The following TNNI3K variants were observed in gnomAD, a reference collection of about 807,000 sequenced individuals.
TNNI3K encodes serine/threonine-protein kinase TNNI3K.
A neutral mutation model predicts 114.5 loss-of-function variants in TNNI3K; 140 were observed. That is an observed-to-expected ratio of 1.22 (90% CI 1.07 to 1.41). The LOEUF (loss-of-function observed/expected upper bound fraction) is 1.41, where lower values mean the gene tolerates loss of function less well. Ranked by LOEUF, TNNI3K falls within the 40% of genes most tolerant of loss-of-function variation. The probability of loss-of-function intolerance (pLI) is 0.00; values close to 1 mark genes in which losing one functional copy is unlikely to be tolerated. For missense variants in TNNI3K, 1,125 were observed against 1,007.6 expected (o/e 1.12, Z -1.58); for synonymous variants, 347 against 347.5 (o/e 1.00, Z 0.02).
chr1:74,301,965 G>A (rs1041406655), intron 5 of TNNI3K, among the ~76,000 whole-genome samples: 2 of 152,192 alleles, frequency 1.3e-5, no homozygotes, highest in Middle Eastern at 3.2e-3. Flanking sequence ...TGCAAGAAAT[G>A]AACTTCCATA....
intron 4 of TNNI3K, among the ~76,000 whole-genome samples, chr1:74,252,959 T>C (rs1655035179): frequency 6.6e-6 from 1 of 152,180 alleles, no homozygotes. Flanking sequence ...ACCCACATCC[T>C]GCTGACTGGT....
At chr1:74,255,079 G>A (rs1655189072) in intron 4 of TNNI3K, among the ~76,000 whole-genome samples, 1 of 152,158 alleles carries the variant, frequency 6.6e-6, no homozygotes. Context: ...TTCTTTAACT[G>A]TAAACATCTA....
At position 74,497,032 on chromosome 1, in the gene TNNI3K, A is replaced by G. The variant is rs576950327; in HGVS notation, c.2351+4766A>G. On this transcript the variant is annotated intron_variant, in intron 23 of 24. Coordinates refer to ENST00000326637, the MANE Select transcript of TNNI3K (RefSeq NM_015978.3). ...TGTAAAACAGATACATTTGGGATTA[A>G]TTTTTCACACTACAAAAGGGTCCAT... 2.5e-4 allele frequency among the ~76,000 whole-genome samples: 38 copies of G among 152,326 alleles called. 1 individual carries two copies. The South Asian group carries it at 7.0e-3, about 28-fold the overall frequency.
intron 2 of TNNI3K, among the ~76,000 whole-genome samples, chr1:74,248,671 A>C (rs187466597): frequency 8.5e-5 from 13 of 152,268 alleles, no homozygotes; most frequent in Admixed American, 6.5e-5. Context: ...AGGCCTTACA[A>C]GCAGCCTTAG....
intron 17 of TNNI3K, among the ~76,000 whole-genome samples, chr1:74,390,446 A>G (rs1366243871): frequency 1.3e-5 from 2 of 152,290 alleles, no homozygotes; most frequent in Non-Finnish European, 2.9e-5. Flanking sequence ...TAACTCTGAA[A>G]TGTTTCTGGT....
chr1:74,537,590 T>G (rs1161697870), intron 23 of TNNI3K, among the ~76,000 whole-genome samples: 1 of 152,210 alleles, frequency 6.6e-6, no homozygotes, highest in African/African-American at 2.4e-5. Flanking sequence ...ATACATACTT[T>G]TATTTTAAGT....
intron 21 of TNNI3K, among the ~76,000 whole-genome samples, chr1:74,465,519 G>A (rs1667635472): frequency 6.6e-6 from 1 of 152,150 alleles, no homozygotes. Flanking sequence ...GGGACTTGCA[G>A]CCCTCCATGC....
chr1:74,253,569 G>A (rs112732669), intron 4 of TNNI3K, among the ~76,000 whole-genome samples: 48 of 152,252 alleles, frequency 3.2e-4, no homozygotes, highest in African/African-American at 1.0e-3. Context: ...AGCACCCTCC[G>A]CAGCTGCTGG....
chr1:74,498,262 C>T (rs1379932529), intron 23 of TNNI3K, among the ~76,000 whole-genome samples: 1 of 152,114 alleles, frequency 6.6e-6, no homozygotes, highest in Non-Finnish European at 1.5e-5. Flanking sequence ...TCCCCCTTAT[C>T]TTGTCAAAAT....
intron 5 of TNNI3K, among the ~76,000 whole-genome samples, chr1:74,312,797 C>T (rs1017376448): frequency 2.8e-4 from 43 of 152,172 alleles, no homozygotes; most frequent in African/African-American, 1.0e-3. Context: ...AAAAATTCCG[C>T]ATAGGAGAAA....
chr1:74,332,184 T>C (rs563532135), intron 6 of TNNI3K, among the ~76,000 whole-genome samples: 257 of 152,282 alleles, frequency 1.7e-3, no homozygotes, highest in Admixed American at 2.8e-3. Context: ...TTCACAACTT[T>C]ATGAAATTAA....
At chr1:74,255,628 G>C (rs1369684060) in intron 4 of TNNI3K, among the ~76,000 whole-genome samples, 1 of 152,118 alleles carries the variant, frequency 6.6e-6, no homozygotes, top group African/African-American at 2.4e-5. Context: ...ACAGTGTTTA[G>C]TTTTATTGAG....
intron 17 of TNNI3K, among the ~76,000 whole-genome samples, chr1:74,431,398 A>C (rs746550493): frequency 5.3e-5 from 8 of 152,214 alleles, no homozygotes; most frequent in Middle Eastern, 3.4e-3. Flanking sequence ...TCTCAGAATG[A>C]AAACCACTTT....
At chr1:74,309,448 C>T (rs1658856818) in intron 5 of TNNI3K, among the ~76,000 whole-genome samples, 1 of 149,872 alleles carries the variant, frequency 6.7e-6, no homozygotes, top group African/African-American at 2.4e-5. Context: ...TCCTCCCTAA[C>T]TCATTTTAGA....
intron 6 of TNNI3K, among the ~76,000 whole-genome samples, chr1:74,334,713 C>A (rs1660378638): frequency 6.6e-6 from 1 of 152,252 alleles, no homozygotes; most frequent in South Asian, 2.1e-4. Flanking sequence ...GATGCCAGGG[C>A]TACTGTTTCT....
At chr1:74,329,717 C>G (rs72964874) in intron 5 of TNNI3K, among the ~76,000 whole-genome samples, 1 of 151,958 alleles carries the variant, frequency 6.6e-6, no homozygotes, top group Admixed American at 6.6e-5. Context: ...GATTTAGTTT[C>G]CTATTGACAC....
At chr1:74,308,986 A>T (rs899261431) in intron 5 of TNNI3K, among the ~76,000 whole-genome samples, 2 of 152,188 alleles carry the variant, frequency 1.3e-5, no homozygotes, top group African/African-American at 4.8e-5. Flanking sequence ...ACAATAAAAA[A>T]TTATGAAACT....
chr1:74,392,109 G>A (rs1028974145), intron 17 of TNNI3K, among the ~76,000 whole-genome samples: 5 of 151,890 alleles, frequency 3.3e-5, no homozygotes, highest in African/African-American at 1.2e-4. Context: ...TTCACAATAA[G>A]TTTATCAAGA....
In TNNI3K at chr1:74,355,604, A is replaced by AAAATAAAT. The variant is rs45582636; in HGVS notation, c.1177+1496_1177+1503dup. Among the ~76,000 whole-genome samples, 356 of 151,726 alleles carry AAAATAAAT rather than the reference A, an allele frequency of 2.3e-3. 2 individuals are homozygous for AAAATAAAT. The highest frequency in any genetic ancestry group is 8.2e-3 in the African/African-American group (337 of 41,156). ...GGCAACAGGGCGATACTCCGTCTCA[A>AAAATAAAT]AAATAAATAAATAAATAAATAAATA... is the stretch of plus-strand genomic sequence containing the variant. On this transcript the variant is annotated intron_variant, in intron 11 of 24. Transcript: ENST00000326637.
Sources: allele counts gnomAD v4.1 joint callset (sites outside exome capture counted in the v4.1 genomes callset), GRCh38; gene constraint gnomAD v4.1.1; transcripts MANE v1.5; gene names NCBI Gene and HGNC (gene_info 2026-07-23, HGNC 2026-07-21).